PDE10A: variants seen among roughly 807,000 people sequenced by gnomAD.
PDE10A encodes the protein cAMP and cAMP-inhibited cGMP 3',5'-cyclic phosphodiesterase 10A.
PDE10A carries 39 observed loss-of-function variants against 97.7 expected under a neutral mutation model. That is an observed-to-expected ratio of 0.40 (90% CI 0.31 to 0.52). The LOEUF is 0.52. PDE10A is among the 20% of genes least tolerant of loss of function. The probability of loss-of-function intolerance (pLI) is 0.56; values close to 1 mark genes in which losing one functional copy is unlikely to be tolerated. For synonymous variants in PDE10A, 371 were observed against 376.8 expected (o/e 0.98, Z 0.18); for missense variants, 731 against 1,047.8 (o/e 0.70, Z 4.17).
chr6:165,421,100 TAAGACAAAGGAGAAA>T (rs1788661158), intron 10 of PDE10A, among the ~76,000 whole-genome samples: 2 of 152,174 alleles, frequency 1.3e-5, no homozygotes, highest in Non-Finnish European at 2.9e-5. Context: ...ATAATAGCAA[TAAGACAAAGGAGAAA>T]AATCTGCGAG....
chr6:165,790,179 A>T (rs1227979853), intron 1 of PDE10A, among the ~76,000 whole-genome samples: 1 of 152,240 alleles, frequency 6.6e-6, no homozygotes, highest in Admixed American at 6.5e-5. Flanking sequence ...GTGGCTAAAC[A>T]TGTCTTTCTT....
At chr6:165,520,813 G>C (rs946380881) in intron 2 of PDE10A, among the ~76,000 whole-genome samples, 1 of 152,082 alleles carries the variant, frequency 6.6e-6, no homozygotes, top group African/African-American at 2.4e-5. Flanking sequence ...TCAGTGTATT[G>C]GGTGGACTGG....
intron 16 of PDE10A, among the ~76,000 whole-genome samples, chr6:165,390,734 T>G (rs2128214582): frequency 6.6e-6 from 1 of 151,842 alleles, no homozygotes; most frequent in East Asian, 1.9e-4. Context: ...GCGATGGGAG[T>G]CAGCAGAAGT....
chr6:165,478,970 C>T (rs892938387), intron 3 of PDE10A, among the ~76,000 whole-genome samples: 1 of 152,158 alleles, frequency 6.6e-6, no homozygotes, highest in Non-Finnish European at 1.5e-5. Context: ...CAGACCAAAC[C>T]AAGGGACATG....
intron 18 of PDE10A, among the ~76,000 whole-genome samples, chr6:165,368,432 T>C (rs1262946377): frequency 6.6e-6 from 1 of 152,200 alleles, no homozygotes; most frequent in African/African-American, 2.4e-5. Context: ...AGGTATAAAT[T>C]GAATTATTTT....
intron 1 of PDE10A, among the ~76,000 whole-genome samples, chr6:165,847,963 G>C (rs1184562755): frequency 1.3e-5 from 2 of 152,170 alleles, no homozygotes; most frequent in African/African-American, 2.4e-5. Context: ...TACTGTCTCA[G>C]GGACCTTTCA....
intron 18 of PDE10A, among the ~76,000 whole-genome samples, chr6:165,371,883 G>T (rs202244970): frequency 0.22 from 32,928 of 151,574 alleles, 3,886 homozygotes; most frequent in African/African-American, 0.28. Context: ...TCCACCATGA[G>T]CAAGTGAGCT....
chr6:165,820,695 G>A (rs759051427), intron 1 of PDE10A, among the ~76,000 whole-genome samples: 11 of 152,202 alleles, frequency 7.2e-5, no homozygotes, highest in African/African-American at 2.2e-4. Context: ...AAGGATACCC[G>A]GAATGAAGAC....
intron 12 of PDE10A, among the ~76,000 whole-genome samples, chr6:165,415,371 A>G (rs981551107): frequency 8.5e-5 from 13 of 152,218 alleles, no homozygotes; most frequent in Admixed American, 3.3e-4. Flanking sequence ...TGTCTCTTAA[A>G]GTAAACCACG....
At chr6:165,554,752 T>A (rs1784169814) in intron 1 of PDE10A, among the ~76,000 whole-genome samples, 1 of 152,088 alleles carries the variant, frequency 6.6e-6, no homozygotes, top group Non-Finnish European at 1.5e-5. Context: ...ATAGCTAAGA[T>A]TTGGAAGCAA....
At chr6:165,723,741 CTGTT>C (rs1362694901) in intron 1 of PDE10A, among the ~76,000 whole-genome samples, 15 of 152,306 alleles carry the variant, frequency 9.8e-5, no homozygotes, top group African/African-American at 3.4e-4. Flanking sequence ...ATTTTTAGCT[CTGTT>C]TACGACATGA....
rs1782782838 is a variant in PDE10A, at chr6:165,922,414, G to A, written c.-615+65115C>T. Among the ~76,000 whole-genome samples the A allele has an allele frequency of 2.0e-5, 3 of 152,174 alleles. No homozygotes were observed. The South Asian group carries it at 6.2e-4, about 32-fold the overall frequency. On this transcript the variant is annotated intron_variant, in intron 1 of 19. Transcript: ENST00000366882. ...GGTACAAGCACAGCTGAGGTATGCG[G>A]CAGATGGCTCTTGCTGGTGCTACTT...
intron 1 of PDE10A, among the ~76,000 whole-genome samples, chr6:165,777,854 C>G (rs916645935): frequency 6.6e-6 from 1 of 152,112 alleles, no homozygotes; most frequent in Non-Finnish European, 1.5e-5. Flanking sequence ...TGTCTGCTGG[C>G]CTGCTCCTCC....
intron 21 of PDE10A, among the ~76,000 whole-genome samples, 164 bp from the exon 22 acceptor site, chr6:165,333,291 T>G (rs755807164): frequency 1.1e-4 from 16 of 152,168 alleles, no homozygotes; most frequent in Non-Finnish European, 2.1e-4. Flanking sequence ...GTTCCTGTGA[T>G]GGCTGTTCAG....
chr6:165,591,262 CA>C (rs746972589), intron 1 of PDE10A, among the ~76,000 whole-genome samples: 1 of 151,228 alleles, frequency 6.6e-6, no homozygotes, highest in African/African-American at 2.4e-5. Context: ...TCTTTCACAG[CA>C]AAAAAAAGTA....
intron 18 of PDE10A, among the ~76,000 whole-genome samples, chr6:165,377,923 G>A (rs1784712302): frequency 6.6e-6 from 1 of 152,218 alleles, no homozygotes; most frequent in African/African-American, 2.4e-5. Flanking sequence ...GGTCCAGGAA[G>A]AGGCCCTGGC....
Position 165,608,738 on chromosome 6 carries a change from AG to A in PDE10A, c.865+53208del, listed in dbSNP as rs1454646413. ...TTTAAAGTCCCACCAACAGTGTAAAAGTGTTCCTATTTCTCCATATCCTCTC... is the reference window on the plus strand; with the variant it reads ...TTTAAAGTCCCACCAACAGTGTAAAATGTTCCTATTTCTCCATATCCTCTC... On this transcript the variant is annotated intron_variant, in intron 1 of 21. Transcript: ENST00000539869. 2.0e-5 allele frequency among the ~76,000 whole-genome samples: 3 copies of A among 152,268 alleles called. No homozygotes were observed. The South Asian group carries it at 6.2e-4, about 32-fold the overall frequency.
At chr6:165,866,234 G>C (rs112840272) in intron 1 of PDE10A, among the ~76,000 whole-genome samples, 95 of 152,010 alleles carry the variant, frequency 6.2e-4, no homozygotes, top group African/African-American at 2.1e-3. Flanking sequence ...AAAATGCATT[G>C]TAGAGATAAT....
At chr6:165,883,656 G>T (rs1457856220) in intron 1 of PDE10A, among the ~76,000 whole-genome samples, 2 of 152,190 alleles carry the variant, frequency 1.3e-5, no homozygotes, top group African/African-American at 4.8e-5. Flanking sequence ...TGGCTGAGGG[G>T]TCTAGGGGGC....
Sources: gnomAD v4.1 joint callset for allele counts (sites outside exome capture counted in the v4.1 genomes callset) on GRCh38, gnomAD v4.1.1 for gene constraint, MANE v1.5 for transcripts, NCBI Gene and HGNC (gene_info 2026-07-23, HGNC 2026-07-21) for gene names.